Variants in PPAT observed in about 807,000 individuals in gnomAD.
The protein encoded by PPAT is phosphoribosyl pyrophosphate amidotransferase, also known as amidophosphoribosyltransferase.
In PPAT, 20 loss-of-function variants were observed where a neutral mutation model predicts 60.2. The observed-to-expected ratio is 0.33, with a 90% CI of 0.23 to 0.48. The LOEUF (loss-of-function observed/expected upper bound fraction) is 0.48, where lower values mean the gene tolerates loss of function less well. Ranked by LOEUF, PPAT falls within the 20% of genes least tolerant of loss-of-function variation. PPAT has a pLI of 0.99. For synonymous variants in PPAT, 194 were observed against 215.1 expected (o/e 0.90, Z 0.86); for missense variants, 349 against 629.6 (o/e 0.55, Z 4.77).
intron 9 of PPAT, among the ~76,000 whole-genome samples, chr4:56,397,661 TTAA>T (rs1560636576): frequency 6.6e-6 from 1 of 152,130 alleles, no homozygotes. Context: ...TTAAAATAAC[TTAA>T]TATATCTATA....
intron 1 of PPAT, among the ~76,000 whole-genome samples, chr4:56,412,253 C>T (rs546998830): frequency 3.9e-5 from 6 of 152,026 alleles, no homozygotes; most frequent in South Asian, 2.1e-4. Context: ...TAACTATGCA[C>T]GTTTAGTTAC....
At chr4:56,406,438 C>G in intron 3 of PPAT, 57 bp downstream of exon 3, 1 of 1,536,808 alleles carries the variant, frequency 6.5e-7, no homozygotes, top group South Asian at 1.1e-5. Context: ...AACTTTTATT[C>G]ATTAACCCAT....
chr4:56,432,612 C>T (rs1435993472), intron 1 of PPAT, among the ~76,000 whole-genome samples: 1 of 150,994 alleles, frequency 6.6e-6, no homozygotes, highest in Non-Finnish European at 1.5e-5. Flanking sequence ...AGTGAAACCC[C>T]GTTTCTACTA....
Position 56,399,474 on chromosome 4 carries a change from G to T in PPAT, c.1015-74C>A, listed in dbSNP as rs1578113684. Reference sequence around the variant, plus strand: ...GCAAATATTTTCTCTAGGTTGTGTTGCCGCCACAATATTCAAGTAAAATTT... The same window carrying T: ...GCAAATATTTTCTCTAGGTTGTGTTTCCGCCACAATATTCAAGTAAAATTT... On this transcript the variant is annotated intron_variant, in intron 8 of 10. Coordinates refer to ENST00000264220, the MANE Select transcript of PPAT (RefSeq NM_002703.5). 4.5e-6 allele frequency: 5 copies of T among 1,115,346 alleles called. No homozygotes were observed. In the South Asian group the frequency reaches 8.7e-5, roughly 19 times the overall value. 69.1% of individuals were successfully genotyped at this position (1,115,346 alleles called of 1,614,324 possible).
rs1715939246 is a variant in PPAT, at chr4:56,395,166, A to G, written c.*186T>C. The G allele has an allele frequency of 5.5e-6, 3 of 542,380 alleles. 1 individual carries two copies. The highest frequency in any genetic ancestry group is 2.0e-5 in the African/African-American group (1 of 49,546). The allele number at this position is 542,380 out of a possible 1,614,324, so 33.6% of individuals were successfully genotyped here. ...ACCACATATTGTTGTATTATATGCA[A>G]TTGGAAATGTTCAGTTATCGCACTT... On this transcript the variant is annotated 3_prime_UTR_variant, in exon 11 of 11. Coordinates refer to ENST00000264220, the MANE Select transcript of PPAT (RefSeq NM_002703.5).
chr4:56,395,242 A>G lies in PPAT; in HGVS notation c.*110T>C, dbSNP rs186916603. The G allele has an allele frequency of 5.8e-4, 563 of 971,542 alleles. 4 individuals carry two copies. In the African/African-American group the frequency reaches 8.8e-3, roughly 15 times the overall value. The allele number at this position is 971,542 out of a possible 1,614,324, so 60.2% of individuals were successfully genotyped here. A position where few individuals can be genotyped will look rare whatever the true frequency, so the allele number is the denominator to read the frequency against. On this transcript the variant is annotated 3_prime_UTR_variant, in exon 11 of 11. Coordinates refer to ENST00000264220, the MANE Select transcript of PPAT (RefSeq NM_002703.5). ...AATCTCAAAACTTATAAACATAAGCATGGCATTTTACATTGTACCAACTGA... is the reference window on the plus strand; with the variant it reads ...AATCTCAAAACTTATAAACATAAGCGTGGCATTTTACATTGTACCAACTGA...
Position 56,435,514 on chromosome 4 carries a change from C to T in PPAT, c.-37G>A. The T allele has an allele frequency of 2.5e-6, 4 of 1,612,332 alleles. No individual in the cohort carries two copies. Among genetic ancestry groups the T allele is most frequent in the South Asian group, 2.2e-5 (2 of 90,990 alleles). On this transcript the variant is annotated 5_prime_UTR_variant, in exon 1 of 11. Transcript: ENST00000264220. ...AAGCACGTGGAAGGACCTGCCGCTG[C>T]GGCCAAGGTGTAAGCACCAACCAGC...
chr4:56,421,965 A>T (rs1019238370), intron 1 of PPAT: 3 of 152,226 alleles, frequency 2.0e-5, no homozygotes, highest in African/African-American at 7.2e-5. Flanking sequence ...AAAATACTGC[A>T]TTAGAGTTTA....
chr4:56,432,667 C>T (rs1717656869), intron 1 of PPAT, among the ~76,000 whole-genome samples: 1 of 151,462 alleles, frequency 6.6e-6, no homozygotes, highest in African/African-American at 2.4e-5. Flanking sequence ...CGCCTGTAGT[C>T]CCAGCTACTC....
chr4:56,422,144 C>T (rs559690779), intron 1 of PPAT: 2 of 152,194 alleles, frequency 1.3e-5, no homozygotes, highest in Non-Finnish European at 2.9e-5. Context: ...TGTGGTGGCA[C>T]ATGCCTGTAA....
Position 56,402,192 on chromosome 4 carries a change from C to T in PPAT, c.662-11G>A. On this transcript the variant is annotated splice_polypyrimidine_tract_variant and intron_variant, in intron 5 of 10. Transcript: ENST00000264220. ...CTGATGTTTTTTTCTCTGTAAATCA[C>T]AAATCAATTCAATTAATGGATTCCA... 6 of 1,583,866 alleles carry T rather than the reference C, an allele frequency of 3.8e-6. No individual in the cohort carries two copies. The highest frequency in any genetic ancestry group is 5.2e-6 in the Non-Finnish European group (6 of 1,155,344).
intron 1 of PPAT, chr4:56,421,391 T>C (rs1422305898): frequency 6.6e-6 from 1 of 152,384 alleles, no homozygotes; most frequent in African/African-American, 2.4e-5. Context: ...ATAAATGTAA[T>C]GCACTTGAAT....
At chr4:56,428,172 T>C (rs1440221053) in intron 1 of PPAT, among the ~76,000 whole-genome samples, 1 of 152,210 alleles carries the variant, frequency 6.6e-6, no homozygotes, top group Non-Finnish European at 1.5e-5. Flanking sequence ...GCCATCACAG[T>C]TGCTTTAAGT....
chr4:56,414,602 TG>T (rs1377791790), intron 1 of PPAT, among the ~76,000 whole-genome samples: 3 of 152,242 alleles, frequency 2.0e-5, no homozygotes, highest in Non-Finnish European at 4.4e-5. Context: ...GGATTCATGC[TG>T]TGGAATGAGC....
intron 7 of PPAT, 81 bp downstream of exon 7, chr4:56,401,249 C>T: frequency 7.6e-7 from 1 of 1,314,156 alleles, no homozygotes; most frequent in East Asian, 2.5e-5. Context: ...GCCAGGTAAG[C>T]CTTTGAGGCA....
intron 6 of PPAT, 45 bp downstream of exon 6, chr4:56,402,059 ATTCTT>A: frequency 1.4e-6 from 2 of 1,408,240 alleles, no homozygotes; most frequent in South Asian, 1.3e-5. Flanking sequence ...TCTAAAAAAA[ATTCTT>A]TTCAACATGG....
At chr4:56,402,726 GA>G (rs893083283) in intron 5 of PPAT, among the ~76,000 whole-genome samples, 1 of 146,580 alleles carries the variant, frequency 6.8e-6, no homozygotes, top group African/African-American at 2.5e-5. Flanking sequence ...TGAGGTAGGA[GA>G]ATCACTTGAA....
At chr4:56,409,277 A>G (rs1716344611) in intron 1 of PPAT, among the ~76,000 whole-genome samples, 1 of 152,200 alleles carries the variant, frequency 6.6e-6, no homozygotes, top group Admixed American at 6.5e-5. Context: ...AGACAATCCA[A>G]CTGCAGAATT....
chr4:56,410,899 TAAAAAAAAAAA>T (rs35668849), intron 1 of PPAT: 4,183 of 676,396 alleles, frequency 6.2e-3, no homozygotes, highest in Middle Eastern at 9.8e-3. Flanking sequence ...CCACTGAAGG[TAAAAAAAAAAA>T]AAAAAAAAAA....
Sources: allele counts gnomAD v4.1 joint callset (sites outside exome capture counted in the v4.1 genomes callset), GRCh38; gene constraint gnomAD v4.1.1; transcripts MANE v1.5; gene names NCBI Gene and HGNC (gene_info 2026-07-23, HGNC 2026-07-21).